Variants in ARID2 observed in about 807,000 individuals in gnomAD.
ARID2 encodes AT-rich interaction domain 2.
A neutral mutation model predicts 184.6 loss-of-function variants in ARID2; 32 were observed. The observed-to-expected ratio is 0.17, with a 90% CI of 0.13 to 0.23. The LOEUF is 0.23. Ranked by LOEUF, ARID2 falls within the 10% of genes least tolerant of loss-of-function variation. ARID2 has a pLI of 1.00. For synonymous variants in ARID2, 836 were observed against 772.6 expected (o/e 1.08, Z -1.36); for missense variants, 1,696 against 2,197.6 (o/e 0.77, Z 4.56).
intron 11 of ARID2, among the ~76,000 whole-genome samples, chr12:45,844,599 A>C (rs1021182049): frequency 6.6e-6 from 1 of 152,214 alleles, no homozygotes; most frequent in Non-Finnish European, 1.5e-5. Flanking sequence ...TAATGTTTCT[A>C]ATTCTCTCTT....
Position 45,893,711 on chromosome 12 carries a change from T to C in ARID2, c.5353T>C (p.Cys1785Arg). The C allele has an allele frequency of 6.3e-7, 1 of 1,598,864 alleles. No homozygotes were observed. The highest frequency in any genetic ancestry group is 8.5e-7 in the Non-Finnish European group (1 of 1,175,538). The stretch of plus-strand genomic sequence containing the variant: ...AAAAAATATTGGTAAATATTCAGAA[T>C]GTGGTCGCAGGTGAGTAATATGTTT... ...ILKNIGKYSE[C>R]GRRLLKRHEN... The change falls in exon 20 of 21, where the codon TGT becomes CGT. Residue 1785 changes from cysteine (C) to arginine (R), a missense_variant. By Grantham distance (180) the Cys-to-Arg change is radical. Transcript: ENST00000334344.
At position 45,848,400 on chromosome 12, in the gene ARID2, C is replaced by T. The variant is rs536927412; in HGVS notation, c.1581-436C>T. ...TAAGTTTTTTCTGAAGGAATTTGAT[C>T]CAAGAGCCAAGGAAAGTTTAACCTT... On this transcript the variant is annotated intron_variant, in intron 12 of 20. Coordinates refer to ENST00000334344, the MANE Select transcript of ARID2 (RefSeq NM_152641.4). Among the ~76,000 whole-genome samples, 4 of 152,104 alleles carry T rather than the reference C, an allele frequency of 2.6e-5. No individual in the cohort carries two copies. In the East Asian group the frequency reaches 7.7e-4, roughly 29 times the overall value.
chr12:45,872,497 A>T (rs1209843021), intron 16 of ARID2, among the ~76,000 whole-genome samples: 1 of 152,194 alleles, frequency 6.6e-6, no homozygotes, highest in Non-Finnish European at 1.5e-5. Context: ...ATTGACTCAC[A>T]GTTTTGCATG....
intron 3 of ARID2, among the ~76,000 whole-genome samples, chr12:45,798,907 T>A (rs183309090): frequency 1.2e-3 from 185 of 151,884 alleles, no homozygotes; most frequent in African/African-American, 3.9e-3. Context: ...CTTCAGACTG[T>A]AATTATATTC....
chr12:45,851,226 C>A lies in ARID2; in HGVS notation c.3103C>A (p.Gln1035Lys), dbSNP rs1178369678. 2 of 1,614,172 alleles carry A rather than the reference C, an allele frequency of 1.2e-6. No homozygotes were observed. The highest frequency in any genetic ancestry group is 1.7e-5 in the Admixed American group (1 of 60,014). ...QVQVQVQQPQ[Q>K]VQMQVQPQQS... ...ACAAGTACAAGTTCAGCAGCCCCAA[C>A]AAGTACAGATGCAAGTTCAACCTCA... is the stretch of plus-strand genomic sequence containing the variant. Residue 1035 changes from glutamine to lysine, a missense_variant, in exon 15 of 21, where the codon CAA (glutamine) becomes AAA (lysine). Transcript: ENST00000334344.
At chr12:45,817,912 A>G in intron 5 of ARID2, 24 bp downstream of exon 5, 1 of 1,557,720 alleles carries the variant, frequency 6.4e-7, no homozygotes, top group Non-Finnish European at 8.7e-7. Flanking sequence ...TGAATGTATT[A>G]TATAATTCTT....
At chr12:45,804,360 G>C (rs921655939) in intron 3 of ARID2, among the ~76,000 whole-genome samples, 11 of 152,008 alleles carry the variant, frequency 7.2e-5, no homozygotes, top group African/African-American at 2.7e-4. Context: ...ATCTACAGAT[G>C]AGTTTAATTG....
intron 16 of ARID2, among the ~76,000 whole-genome samples, chr12:45,871,144 A>G (rs536218720): frequency 1.3e-5 from 2 of 152,346 alleles, no homozygotes; most frequent in Admixed American, 6.5e-5. Flanking sequence ...TGTTTTAGAT[A>G]TGAGCCATTC....
At chr12:45,797,913 C>G (rs1241003108) in intron 3 of ARID2, among the ~76,000 whole-genome samples, 3 of 151,788 alleles carry the variant, frequency 2.0e-5, no homozygotes, top group Non-Finnish European at 4.4e-5. Context: ...GAAAAGTCAT[C>G]AAGCACATTC....
At chr12:45,837,441 C>G (rs2138130984) in intron 9 of ARID2, 24 bp downstream of exon 9, 1 of 1,610,046 alleles carries the variant, frequency 6.2e-7, no homozygotes, top group Admixed American at 1.7e-5. Context: ...GAAGTATTTA[C>G]TTTCTAAAGT....
intron 3 of ARID2, among the ~76,000 whole-genome samples, chr12:45,751,610 G>A (rs939962677): frequency 2.6e-5 from 4 of 152,132 alleles, no homozygotes; most frequent in Admixed American, 2.6e-4. Flanking sequence ...CTAAGAAATG[G>A]GTTGTAAGGT....
intron 3 of ARID2, among the ~76,000 whole-genome samples, chr12:45,739,438 CTTTTTTTTTT>C (rs71067906): frequency 4.0e-4 from 36 of 90,754 alleles, no homozygotes; most frequent in African/African-American, 1.4e-3. Flanking sequence ...TATAAAGTTA[CTTTTTTTTTT>C]TTTTTTTTTT....
At chr12:45,859,082 C>T (rs1372049553) in intron 15 of ARID2, among the ~76,000 whole-genome samples, 1 of 152,194 alleles carries the variant, frequency 6.6e-6, no homozygotes, top group East Asian at 1.9e-4. Flanking sequence ...GGCTTTTAAT[C>T]TAAGTTCTCA....
At chr12:45,899,691 A>T (rs1375472759) in intron 20 of ARID2, among the ~76,000 whole-genome samples, 2 of 136,904 alleles carry the variant, frequency 1.5e-5, no homozygotes, top group African/African-American at 5.9e-5. Flanking sequence ...TTATATATAT[A>T]TGGTTATATA....
intron 16 of ARID2, among the ~76,000 whole-genome samples, chr12:45,868,556 TAGAA>T (rs1374703473): frequency 6.6e-6 from 1 of 152,186 alleles, no homozygotes; most frequent in African/African-American, 2.4e-5. Flanking sequence ...ATGTCGTGCT[TAGAA>T]AGACCTTTTC....
chr12:45,754,775 A>G (rs1398370842), intron 3 of ARID2, among the ~76,000 whole-genome samples: 2 of 152,210 alleles, frequency 1.3e-5, no homozygotes, highest in Non-Finnish European at 2.9e-5. Context: ...GGGACTTAGT[A>G]TTGTGTATTT....
intron 8 of ARID2, 113 bp downstream of exon 8, chr12:45,837,104 A>G: frequency 8.1e-6 from 11 of 1,362,198 alleles, no homozygotes; most frequent in Non-Finnish European, 1.1e-5. Context: ...AAATGCTTAC[A>G]TGTATTAGTT....
chr12:45,783,729 C>T (rs1030387341), intron 3 of ARID2, among the ~76,000 whole-genome samples: 1 of 152,212 alleles, frequency 6.6e-6, no homozygotes. Context: ...CCACTCACCT[C>T]CTGCTGTGCA....
At chr12:45,896,703 C>T (rs900043460) in intron 20 of ARID2, among the ~76,000 whole-genome samples, 1 of 152,142 alleles carries the variant, frequency 6.6e-6, no homozygotes, top group Admixed American at 6.5e-5. Flanking sequence ...AAGGCTAAAA[C>T]CACGATTATG....
Sources: allele counts gnomAD v4.1 joint callset (sites outside exome capture counted in the v4.1 genomes callset), GRCh38; gene constraint gnomAD v4.1.1; transcripts MANE v1.5; gene names NCBI Gene and HGNC (gene_info 2026-07-23, HGNC 2026-07-21).